MARCHF3: variants seen among roughly 807,000 people sequenced by gnomAD.
The protein encoded by MARCHF3 is membrane associated ring-CH-type finger 3, also known as E3 ubiquitin-protein ligase MARCHF3.
A neutral mutation model predicts 24.2 loss-of-function variants in MARCHF3; 13 were observed. The observed-to-expected ratio is 0.54, with a 90% confidence interval of 0.35 to 0.85. The LOEUF (loss-of-function observed/expected upper bound fraction) is 0.85, where lower values mean the gene tolerates loss of function less well. Ranked by LOEUF, MARCHF3 falls within the 40% of genes least tolerant of loss-of-function variation. The pLI, the probability that MARCHF3 is intolerant of heterozygous loss-of-function variation, is 0.01. For missense variants in MARCHF3, 276 were observed against 325.0 expected (o/e 0.85, Z 1.16); for synonymous variants, 144 against 137.3 (o/e 1.05, Z -0.34).
intron 1 of MARCHF3, among the ~76,000 whole-genome samples, chr5:126,927,821 C>T (rs1420551042): frequency 2.0e-5 from 3 of 151,954 alleles, no homozygotes; most frequent in Non-Finnish European, 2.9e-5. Context: ...GTAGGCCCAG[C>T]CCTGCCAAAA....
intron 1 of MARCHF3, among the ~76,000 whole-genome samples, chr5:126,941,554 G>A (rs1312753687): frequency 1.3e-5 from 2 of 152,176 alleles, no homozygotes; most frequent in Admixed American, 6.6e-5. Flanking sequence ...TGTCATATGC[G>A]TTAATAGTGC....
intron 4 of MARCHF3, among the ~76,000 whole-genome samples, chr5:126,873,794 GA>G (rs2126764807): frequency 6.6e-6 from 1 of 152,328 alleles, no homozygotes; most frequent in Non-Finnish European, 1.5e-5. Flanking sequence ...TTAATAAGAA[GA>G]AAGCAACATA....
intron 2 of MARCHF3, among the ~76,000 whole-genome samples, chr5:126,915,804 C>T (rs1754709563): frequency 6.6e-6 from 1 of 152,186 alleles, no homozygotes; most frequent in South Asian, 2.1e-4. Flanking sequence ...AAAACCACTC[C>T]TACACATTTC....
chr5:126,908,062 T>C (rs1036570050), intron 3 of MARCHF3, among the ~76,000 whole-genome samples: 29 of 152,262 alleles, frequency 1.9e-4, no homozygotes, highest in African/African-American at 6.7e-4. Flanking sequence ...AAGTATTCTA[T>C]TTCTCCTTCA....
intron 4 of MARCHF3, among the ~76,000 whole-genome samples, chr5:126,877,953 C>T (rs1192961051): frequency 6.6e-6 from 1 of 152,262 alleles, no homozygotes; most frequent in East Asian, 1.9e-4. Flanking sequence ...GATGGACACC[C>T]AGAAGCCAAA....
intron 1 of MARCHF3, among the ~76,000 whole-genome samples, chr5:126,989,331 C>CTAATAA (rs1491178892): frequency 7.0e-6 from 1 of 142,236 alleles, no homozygotes; most frequent in Non-Finnish European, 1.5e-5. Flanking sequence ...ACTACTACTA[C>CTAATAA]TACTACTAAT....
intron 1 of MARCHF3, among the ~76,000 whole-genome samples, chr5:126,922,512 TTTTATTTATTTA>T (rs58540964): frequency 9.2e-4 from 131 of 142,872 alleles, no homozygotes; most frequent in South Asian, 3.9e-3. Context: ...CATTTCTGTC[TTTTATTTATTTA>T]TTTATTTATT....
chr5:127,000,687 T>C (rs1406447916), intron 1 of MARCHF3, among the ~76,000 whole-genome samples: 1 of 152,098 alleles, frequency 6.6e-6, no homozygotes, highest in Non-Finnish European at 1.5e-5. Flanking sequence ...TGCCCTTTTA[T>C]TTTTATTTTT....
intron 1 of MARCHF3, among the ~76,000 whole-genome samples, chr5:127,014,339 T>C (rs1353672920): frequency 6.6e-6 from 1 of 151,886 alleles, no homozygotes; most frequent in East Asian, 1.9e-4. Flanking sequence ...AAAAAGACAA[T>C]CTTATACACT....
At chr5:127,005,165 C>A in intron 1 of MARCHF3, among the ~76,000 whole-genome samples, 1 of 130,696 alleles carries the variant, frequency 7.7e-6, no homozygotes, top group South Asian at 2.5e-4. Context: ...GAGATGGAGT[C>A]TTGCTCTGTC....
intron 1 of MARCHF3, among the ~76,000 whole-genome samples, chr5:126,944,215 G>A (rs959373782): frequency 6.6e-6 from 1 of 152,148 alleles, no homozygotes; most frequent in African/African-American, 2.4e-5. Flanking sequence ...CCAAGATACT[G>A]TCAGGGGTGC....
At chr5:126,931,742 G>C (rs1749486517) in intron 1 of MARCHF3, among the ~76,000 whole-genome samples, 1 of 152,050 alleles carries the variant, frequency 6.6e-6, no homozygotes, top group Non-Finnish European at 1.5e-5. Context: ...GATAACAGAA[G>C]GAAAATAGCT....
At chr5:127,028,093 G>A (rs188614134) in intron 1 of MARCHF3, among the ~76,000 whole-genome samples, 8 of 152,294 alleles carry the variant, frequency 5.3e-5, no homozygotes, top group Admixed American at 5.2e-4. Flanking sequence ...TCCCCAAAAT[G>A]TTTATATACC....
rs1313213076 is a variant in MARCHF3 at position 126,983,690 on chromosome 5, GGTCC to G, written c.-57+46656_-57+46659del. ...TGGGGCTCAGACGGCTGAGGAGCCA[GGTCC>G]CTCGCTTTCCAACTTGTCCCTTCCC... On this transcript the variant is annotated intron_variant, in intron 1 of 4. Transcript: ENST00000308660. Among the ~76,000 whole-genome samples, 449 of 152,270 alleles carry G rather than the reference GGTCC, an allele frequency of 2.9e-3. 1 individual carries two copies. The highest frequency in any genetic ancestry group is 0.01 in the African/African-American group (433 of 41,542).
chr5:126,925,898 A>G (rs564669815), intron 1 of MARCHF3, among the ~76,000 whole-genome samples: 3 of 152,366 alleles, frequency 2.0e-5, no homozygotes, highest in African/African-American at 7.2e-5. Flanking sequence ...CCTGTCCAGC[A>G]TGCATAAGGA....
At position 126,920,866 on chromosome 5, in the gene MARCHF3, A is replaced by G. The variant is rs558220955; in HGVS notation, c.-56-2639T>C. 8.3e-4 allele frequency among the ~76,000 whole-genome samples: 126 copies of G among 152,294 alleles called. 1 individual carries two copies. Among genetic ancestry groups the G allele is most frequent in the African/African-American group, 3.0e-3 (125 of 41,554 alleles). ...TTTATATATGTAATTTCACTTCTGCATAATTTCATTTCTTCTTTCACAGGT... is the reference window on the plus strand; with the variant it reads ...TTTATATATGTAATTTCACTTCTGCGTAATTTCATTTCTTCTTTCACAGGT... On this transcript the variant is annotated intron_variant, in intron 1 of 4. Transcript: ENST00000308660.
chr5:126,946,215 T>A (rs1456390252), intron 1 of MARCHF3: 3 of 151,330 alleles, frequency 2.0e-5, no homozygotes, highest in African/African-American at 7.3e-5. Flanking sequence ...CTACTGAAAA[T>A]ACAAAAATTA....
At chr5:126,944,418 C>CA (rs562139256) in intron 1 of MARCHF3, among the ~76,000 whole-genome samples, 8 of 151,992 alleles carry the variant, frequency 5.3e-5, no homozygotes, top group African/African-American at 1.7e-4. Flanking sequence ...AGCAACATGG[C>CA]AAAAAACCAT....
intron 4 of MARCHF3, among the ~76,000 whole-genome samples, chr5:126,873,222 T>C (rs904632128): frequency 2.0e-5 from 3 of 152,144 alleles, no homozygotes; most frequent in Non-Finnish European, 2.9e-5. Context: ...GGGGAGGTTA[T>C]TTGCTGTCAA....
Sources: allele counts gnomAD v4.1 joint callset (sites outside exome capture counted in the v4.1 genomes callset), GRCh38; gene constraint gnomAD v4.1.1; transcripts MANE v1.5; gene names NCBI Gene and HGNC (gene_info 2026-07-23, HGNC 2026-07-21).